TMC5: variants seen among roughly 807,000 people sequenced by gnomAD.
TMC5 encodes the protein transmembrane channel-like protein 5.
TMC5 carries 86 observed loss-of-function variants against 110.5 expected under a neutral mutation model. The observed-to-expected ratio is 0.78, with a 90% confidence interval of 0.65 to 0.93. The LOEUF (loss-of-function observed/expected upper bound fraction) is 0.93, where lower values mean the gene tolerates loss of function less well. Among genes scored for constraint, TMC5 ranks in the 40% least tolerant of loss-of-function variants. The probability of loss-of-function intolerance (pLI) is 0.00; values close to 1 mark genes in which losing one functional copy is unlikely to be tolerated. For synonymous variants in TMC5, 455 were observed against 439.5 expected, an observed-to-expected ratio of 1.04 and a Z score of -0.44; for missense variants, 1,144 against 1,222.8, an observed-to-expected ratio of 0.94 and a Z score of 0.96.
intron 12 of TMC5, among the ~76,000 whole-genome samples, chr16:19,475,770 C>T (rs1223695252): frequency 6.6e-6 from 1 of 151,624 alleles, no homozygotes; most frequent in East Asian, 1.9e-4. Flanking sequence ...AGCTCCCTAC[C>T]ACCTTTTCTC....
At chr16:19,491,070 G>A (rs971142858) in intron 18 of TMC5, among the ~76,000 whole-genome samples, 2 of 150,992 alleles carry the variant, frequency 1.3e-5, no homozygotes, top group African/African-American at 4.9e-5. Context: ...GACTGTAGCG[G>A]CATGGTCATG....
At chr16:19,413,423 C>T (rs774617597), upstream of TMC5, among the ~76,000 whole-genome samples, 4 of 147,506 alleles carry the variant, frequency 2.7e-5, no homozygotes, top group Non-Finnish European at 5.9e-5. Context: ...ACTCGGGAGG[C>T]TGAGGCACAA....
intron 10 of TMC5, among the ~76,000 whole-genome samples, chr16:19,471,800 G>A (rs949424569): frequency 7.9e-5 from 12 of 151,902 alleles, no homozygotes; most frequent in African/African-American, 2.4e-4. Context: ...TCACTCTGTC[G>A]CCCAGGCTGG....
chr16:19,457,709 C>A (rs370024081), intron 5 of TMC5, among the ~76,000 whole-genome samples: 1 of 43,906 alleles, frequency 2.3e-5, no homozygotes, highest in Non-Finnish European at 5.3e-5. Context: ...AGACTACATT[C>A]TTTTTTTTTT....
intron 9 of TMC5, 48 bp from the exon 10 acceptor site, chr16:19,469,633 G>C (rs770166764): frequency 6.5e-5 from 105 of 1,609,772 alleles, no homozygotes; most frequent in Non-Finnish European, 8.7e-5. Flanking sequence ...TGCACTCCCA[G>C]TGACGGCCAT....
intron 17 of TMC5, among the ~76,000 whole-genome samples, chr16:19,490,134 T>C (rs891050342): frequency 6.6e-5 from 10 of 152,120 alleles, no homozygotes; most frequent in Non-Finnish European, 1.3e-4. Context: ...ATTCATATCA[T>C]TGAGCCAAGT....
intron 19 of TMC5, 95 bp from the exon 20 acceptor site, chr16:19,494,167 A>C: frequency 6.0e-5 from 58 of 971,828 alleles, no homozygotes; most frequent in Non-Finnish European, 8.5e-5. Context: ...AGCTGCCTGA[A>C]AACCGACGTT....
chr16:19,441,766 G>A (rs1214942155), intron 3 of TMC5, among the ~76,000 whole-genome samples: 1 of 151,830 alleles, frequency 6.6e-6, no homozygotes, highest in Non-Finnish European at 1.5e-5. Flanking sequence ...CTTTAAGGCC[G>A]GTTTTTTGTT....
intron 8 of TMC5, among the ~76,000 whole-genome samples, chr16:19,464,381 C>G (rs1055257726): frequency 5.9e-5 from 9 of 152,012 alleles, no homozygotes; most frequent in African/African-American, 1.4e-4. Flanking sequence ...GCAAGATTCC[C>G]CCACTGCACT....
chr16:19,419,606 G>A (rs1966938963), intron 1 of TMC5, among the ~76,000 whole-genome samples: 1 of 151,546 alleles, frequency 6.6e-6, no homozygotes, highest in African/African-American at 2.4e-5. Flanking sequence ...GAGAGACGGG[G>A]TTTCACCGTG....
At chr16:19,485,617 G>C (rs1313281570) in intron 15 of TMC5, among the ~76,000 whole-genome samples, 2 of 152,096 alleles carry the variant, frequency 1.3e-5, no homozygotes, top group Non-Finnish European at 1.5e-5. Context: ...TATTTTTAAG[G>C]GAGTCTTTAT....
At chr16:19,442,241 G>A (rs1038649716) in intron 3 of TMC5, among the ~76,000 whole-genome samples, 1 of 152,078 alleles carries the variant, frequency 6.6e-6, no homozygotes, top group African/African-American at 2.4e-5. Flanking sequence ...GACACCGACA[G>A]CATTAGTCTG....
chr16:19,446,855 C>T (rs958964096), intron 4 of TMC5, among the ~76,000 whole-genome samples: 1 of 152,178 alleles, frequency 6.6e-6, no homozygotes, highest in African/African-American at 2.4e-5. Flanking sequence ...GCAAAGTTTG[C>T]AGCCCTTGGC....
intron 10 of TMC5, among the ~76,000 whole-genome samples, chr16:19,471,114 G>A (rs1255086685): frequency 6.6e-6 from 1 of 151,812 alleles, no homozygotes; most frequent in African/African-American, 2.4e-5. Context: ...TTCGAGACAA[G>A]GTCTTGCTCT....
At chr16:19,490,326 C>A in intron 17 of TMC5, 69 bp from the exon 18 acceptor site, 1 of 1,501,180 alleles carries the variant, frequency 6.7e-7, no homozygotes, top group Non-Finnish European at 9.2e-7. Context: ...CCAGAAGGGA[C>A]ACCCTGATTC....
At chr16:19,442,073 G>C (rs1363194729) in intron 3 of TMC5, among the ~76,000 whole-genome samples, 1 of 152,168 alleles carries the variant, frequency 6.6e-6, no homozygotes, top group Non-Finnish European at 1.5e-5. Flanking sequence ...AAAGTGCTGG[G>C]ATTACAGGCG....
chr16:19,477,090 C>CA (rs1013467326), intron 12 of TMC5: 13 of 227,494 alleles, frequency 5.7e-5, no homozygotes, highest in Non-Finnish European at 8.8e-5. Flanking sequence ...ACTAAAAATA[C>CA]AAAAAAAATT....
intron 4 of TMC5, among the ~76,000 whole-genome samples, chr16:19,445,115 C>A (rs546088826): frequency 6.6e-6 from 1 of 151,948 alleles, no homozygotes; most frequent in African/African-American, 2.4e-5. Context: ...GGCAGTAGAG[C>A]GAGACTCTGT....
chr16:19,492,616 T>A (rs1040749046), intron 19 of TMC5, among the ~76,000 whole-genome samples: 6 of 151,968 alleles, frequency 3.9e-5, no homozygotes, highest in African/African-American at 1.2e-4. Context: ...CAGCTAATTT[T>A]TGAATTTTTA....
Sources: allele counts gnomAD v4.1 joint callset (sites outside exome capture counted in the v4.1 genomes callset), GRCh38; gene constraint gnomAD v4.1.1; transcripts MANE v1.5; gene names NCBI Gene and HGNC (gene_info 2026-07-23, HGNC 2026-07-21).